The following SNX2 variants were observed in gnomAD, a reference collection of about 807,000 sequenced individuals.
SNX2 encodes sorting nexin-2.
SNX2 carries 25 observed loss-of-function variants against 69.9 expected under a neutral mutation model. That is an observed-to-expected ratio of 0.36 (90% CI 0.26 to 0.50). The LOEUF is 0.50. SNX2 is among the 20% of genes least tolerant of loss of function. The probability of loss-of-function intolerance (pLI) is 0.97; values close to 1 mark genes in which losing one functional copy is unlikely to be tolerated. For synonymous variants in SNX2, 229 were observed against 200.4 expected (o/e 1.14, Z -1.20); for missense variants, 551 against 613.3 (o/e 0.90, Z 1.07).
rs190322539 is a variant in SNX2, at chr5:122,822,898, C to T, written c.1213-3152C>T. Among the ~76,000 whole-genome samples, 624 of 152,296 alleles carry T rather than the reference C, an allele frequency of 4.1e-3. 15 individuals are homozygous for T. Among genetic ancestry groups the T allele is most frequent in the Non-Finnish European group, 1.5e-3 (99 of 68,024 alleles). On this transcript the variant is annotated intron_variant, in intron 11 of 14. Transcript: ENST00000379516. ...AATGTATTTAACTAAAAGATGGATT[C>T]CCCAAGGGGTTTAAACGCTTTATTC... is the stretch of plus-strand genomic sequence containing the variant.
At position 122,818,978 on chromosome 5, in the gene SNX2, T is replaced by C; in HGVS notation, c.1167T>C (p.Phe389=). 1 of 1,613,938 alleles carries C rather than the reference T, an allele frequency of 6.2e-7. No homozygotes were observed. The highest frequency in any genetic ancestry group is 2.2e-5 in the East Asian group (1 of 44,854). ...AAGCTTTTGCTGACTTTTATATGTTTTCAGAACTACTTAGTGACTACATTC... is the reference window on the plus strand; with the variant it reads ...AAGCTTTTGCTGACTTTTATATGTTCTCAGAACTACTTAGTGACTACATTC... ...QEQAFADFYM[F]SELLSDYIRL... is the part of the protein sequence containing the mutation. The change falls in exon 11 of 15, where the codon TTT becomes TTC. Residue 389 remains phenylalanine, a synonymous_variant. Transcript: ENST00000379516.
intron 2 of SNX2, among the ~76,000 whole-genome samples, chr5:122,798,042 C>T (rs144168109): frequency 6.6e-6 from 1 of 152,100 alleles, no homozygotes. Context: ...CAATATTTTG[C>T]CTGTGAGTCT....
intron 1 of SNX2, among the ~76,000 whole-genome samples, chr5:122,776,164 G>C (rs1659877061): frequency 6.6e-6 from 1 of 152,068 alleles, no homozygotes; most frequent in South Asian, 2.1e-4. Context: ...GGCTATACTT[G>C]CTTTTAAAGT....
chr5:122,780,296 G>A (rs1490450137), intron 1 of SNX2, among the ~76,000 whole-genome samples: 1 of 152,144 alleles, frequency 6.6e-6, no homozygotes, highest in African/African-American at 2.4e-5. Flanking sequence ...ATAAATACCT[G>A]CCATACCAGG....
intron 2 of SNX2, among the ~76,000 whole-genome samples, chr5:122,796,590 A>C (rs1753383358): frequency 6.6e-6 from 1 of 152,188 alleles, no homozygotes. Context: ...CAATCTTTCA[A>C]AGTTGTTTCA....
At chr5:122,787,258 G>A (rs1223593580) in intron 1 of SNX2, among the ~76,000 whole-genome samples, 7 of 152,158 alleles carry the variant, frequency 4.6e-5, no homozygotes, top group African/African-American at 7.2e-5. Flanking sequence ...GGTGGCTCAC[G>A]CCTGTAATCC....
intron 1 of SNX2, among the ~76,000 whole-genome samples, chr5:122,776,317 G>A (rs1010115830): frequency 3.3e-5 from 5 of 152,058 alleles, no homozygotes; most frequent in African/African-American, 1.2e-4. Context: ...TCTGCTAATT[G>A]TATATGCAGT....
intron 1 of SNX2, among the ~76,000 whole-genome samples, chr5:122,788,563 A>C (rs1001232382): frequency 2.0e-5 from 3 of 152,184 alleles, no homozygotes; most frequent in African/African-American, 7.2e-5. Context: ...TCTCAGGAGA[A>C]GTTATCTTTG....
chr5:122,808,381 T>G, intron 7 of SNX2, 26 bp downstream of exon 7: 3 of 1,456,918 alleles, frequency 2.1e-6, no homozygotes, highest in Non-Finnish European at 2.9e-6. Flanking sequence ...TATATTTTAT[T>G]ACTCTCATGT....
chr5:122,812,663 A>G (rs753960727), intron 7 of SNX2, among the ~76,000 whole-genome samples: 10 of 152,030 alleles, frequency 6.6e-5, no homozygotes, highest in Non-Finnish European at 1.0e-4. Flanking sequence ...TATTATGTTT[A>G]TAGTTTATTG....
chr5:122,833,483 T>C lies in SNX2; in HGVS notation c.*3835T>C, dbSNP rs1754341079. ...TTATTTTAATATGTAATCCAATATA[T>C]TGAAGTTATAAGATATTTTACATTC... On this transcript the variant is annotated 3_prime_UTR_variant, in exon 15 of 15. Coordinates refer to ENST00000379516, the MANE Select transcript of SNX2 (RefSeq NM_003100.4). 1 of 152,084 alleles carries C rather than the reference T, an allele frequency of 6.6e-6. No individual in the cohort carries two copies. Among genetic ancestry groups the C allele is most frequent in the Non-Finnish European group, 1.5e-5 (1 of 68,030 alleles). 9.4% of individuals were successfully genotyped at this position (152,084 alleles called of 1,614,324 possible).
intron 5 of SNX2, among the ~76,000 whole-genome samples, chr5:122,802,504 G>A (rs1019008764): frequency 9.2e-5 from 14 of 152,204 alleles, no homozygotes; most frequent in Admixed American, 3.9e-4. Flanking sequence ...TTGGCAGTAA[G>A]CCTTTGTGTA....
intron 3 of SNX2, among the ~76,000 whole-genome samples, chr5:122,800,520 T>G (rs1415066804): frequency 1.3e-5 from 2 of 152,032 alleles, no homozygotes; most frequent in Admixed American, 6.5e-5. Flanking sequence ...CAGATAAAAG[T>G]AAAGTACAGG....
intron 7 of SNX2, among the ~76,000 whole-genome samples, chr5:122,815,085 C>T (rs927930190): frequency 2.6e-5 from 4 of 151,362 alleles, no homozygotes; most frequent in Non-Finnish European, 4.4e-5. Flanking sequence ...GATGAGTAAT[C>T]GAGAATCATC....
chr5:122,787,387 G>A (rs983794631), intron 1 of SNX2, among the ~76,000 whole-genome samples: 3 of 152,058 alleles, frequency 2.0e-5, no homozygotes, highest in South Asian at 4.1e-4. Context: ...AGACATGGTG[G>A]TGCATGCCTG....
intron 1 of SNX2, among the ~76,000 whole-genome samples, chr5:122,778,654 G>A (rs1313909282): frequency 3.3e-5 from 5 of 151,996 alleles, no homozygotes; most frequent in African/African-American, 4.8e-5. Context: ...GACTACAGGC[G>A]TGCACCACCA....
intron 11 of SNX2, among the ~76,000 whole-genome samples, chr5:122,822,543 G>C (rs1427320989): frequency 1.3e-5 from 2 of 152,140 alleles, no homozygotes; most frequent in East Asian, 3.8e-4. Flanking sequence ...GAATACTTTG[G>C]GGATTAATAT....
At chr5:122,795,936 T>C (rs1176241872) in intron 2 of SNX2, among the ~76,000 whole-genome samples, 1 of 152,196 alleles carries the variant, frequency 6.6e-6, no homozygotes, top group Non-Finnish European at 1.5e-5. Flanking sequence ...ATTATCTGCT[T>C]TAAAATTAAA....
chr5:122,777,973 G>T (rs1752890869), intron 1 of SNX2, among the ~76,000 whole-genome samples: 1 of 152,060 alleles, frequency 6.6e-6, no homozygotes, highest in African/African-American at 2.4e-5. Context: ...ACCCATTTTT[G>T]ACTATTGGCC....
Sources: allele counts gnomAD v4.1 joint callset (sites outside exome capture counted in the v4.1 genomes callset), GRCh38; gene constraint gnomAD v4.1.1; transcripts MANE v1.5; gene names NCBI Gene and HGNC (gene_info 2026-07-23, HGNC 2026-07-21).